VGLL4: variants seen among roughly 807,000 people sequenced by gnomAD.
The protein encoded by VGLL4 is vestigial like family member 4.
A neutral mutation model predicts 21.0 loss-of-function variants in VGLL4; 7 were observed. That is an observed-to-expected ratio of 0.33 (90% confidence interval 0.19 to 0.63). The LOEUF is 0.63. Among genes scored for constraint, VGLL4 ranks in the 20% least tolerant of loss-of-function variants. The pLI is 0.78. For synonymous variants in VGLL4, 222 were observed against 173.2 expected (o/e 1.28, Z -2.21); for missense variants, 394 against 425.7 (o/e 0.93, Z 0.66).
intron 2 of VGLL4, among the ~76,000 whole-genome samples, chr3:11,595,657 T>C (rs1319470920): frequency 2.6e-5 from 4 of 152,032 alleles, no homozygotes; most frequent in Admixed American, 1.3e-4. Context: ...TATGCAGCCA[T>C]AAAAAATGAT....
intron 2 of VGLL4, among the ~76,000 whole-genome samples, chr3:11,666,176 C>T (rs1484326904): frequency 1.3e-5 from 2 of 149,604 alleles, no homozygotes; most frequent in South Asian, 4.2e-4. Context: ...GGCGTGAACC[C>T]GGGAGGCGGA....
chr3:11,614,063 C>A (rs1239402618), intron 1 of VGLL4, among the ~76,000 whole-genome samples: 1 of 152,230 alleles, frequency 6.6e-6, no homozygotes, highest in Admixed American at 6.5e-5. Flanking sequence ...TGTGAACCCA[C>A]ACACAGGCTC....
chr3:11,583,231 T>C (rs1005616736), intron 2 of VGLL4, among the ~76,000 whole-genome samples: 1 of 152,246 alleles, frequency 6.6e-6, no homozygotes, highest in Non-Finnish European at 1.5e-5. Flanking sequence ...GAGTAAACTC[T>C]GATCAACCAG....
intron 2 of VGLL4, among the ~76,000 whole-genome samples, chr3:11,597,054 G>C (rs1464038633): frequency 2.0e-5 from 3 of 152,094 alleles, no homozygotes; most frequent in Non-Finnish European, 4.4e-5. Context: ...AGGAAATAAT[G>C]GAGGTTATGA....
At chr3:11,669,679 T>C (rs2076175872) in intron 2 of VGLL4, among the ~76,000 whole-genome samples, 1 of 152,130 alleles carries the variant, frequency 6.6e-6, no homozygotes, top group South Asian at 2.1e-4. Context: ...AGAATAACTT[T>C]TTTTTTTTTC....
chr3:11,647,006 G>A (rs1373453826), upstream of VGLL4, among the ~76,000 whole-genome samples: 1 of 152,230 alleles, frequency 6.6e-6, no homozygotes, highest in Non-Finnish European at 1.5e-5. Context: ...TTTGAGGGCT[G>A]TAGTTTTCGT....
chr3:11,611,552 A>G (rs2075062792), intron 1 of VGLL4: 1 of 152,300 alleles, frequency 6.6e-6, no homozygotes, highest in Non-Finnish European at 1.5e-5. Context: ...CCAGAGAGGA[A>G]AGAAGAGAGG....
intron 1 of VGLL4, among the ~76,000 whole-genome samples, chr3:11,717,004 T>G (rs891724082): frequency 4.5e-4 from 68 of 152,244 alleles, no homozygotes; most frequent in Middle Eastern, 3.4e-3. Flanking sequence ...CACCAGGTTC[T>G]CATAGCTGCA....
In VGLL4 at chr3:11,559,366, C is replaced by T. The variant is rs560107500; in HGVS notation, c.585G>A (p.Ala195=). The change falls in exon 4 of 5, where the codon GCG becomes GCA. Residue 195 remains alanine (A), a synonymous_variant. Coordinates refer to ENST00000430365, the MANE Select transcript of VGLL4 (RefSeq NM_001128219.3). ...HCPIAHSGCA[A]PGPASYRRPP... is the part of the protein sequence containing the mutation. ...GCCTCCGGTAGCTGGCAGGCCCGGG[C>T]GCGGCACAGCCGCTGTGCGCGATGG... 67 of 1,551,122 alleles carry T rather than the reference C, an allele frequency of 4.3e-5. No individual in the cohort carries two copies. Among genetic ancestry groups the T allele is most frequent in the Non-Finnish European group, 5.2e-5 (60 of 1,147,486 alleles).
intron 1 of VGLL4, among the ~76,000 whole-genome samples, chr3:11,710,929 G>A (rs560650288): frequency 8.6e-5 from 13 of 151,232 alleles, no homozygotes; most frequent in South Asian, 4.2e-4. Context: ...GTGAAACCCC[G>A]TCTCTACTAA....
intron 1 of VGLL4, among the ~76,000 whole-genome samples, chr3:11,714,147 G>GTT (rs2076887702): frequency 6.6e-6 from 1 of 152,132 alleles, no homozygotes; most frequent in East Asian, 1.9e-4. Context: ...ATCTATACAG[G>GTT]CTCTGGGCTG....
intron 1 of VGLL4, among the ~76,000 whole-genome samples, chr3:11,642,008 G>A (rs1467382785): frequency 2.0e-5 from 3 of 150,102 alleles, no homozygotes; most frequent in East Asian, 1.9e-4. Context: ...CTTGTTGGGG[G>A]AAGCGGGGAT....
intron 1 of VGLL4, among the ~76,000 whole-genome samples, chr3:11,625,105 A>G (rs1448130098): frequency 6.6e-6 from 1 of 152,240 alleles, no homozygotes. Context: ...ACCACATGCT[A>G]ACTTCTAAAG....
chr3:11,683,676 C>T (rs915358637), intron 2 of VGLL4, among the ~76,000 whole-genome samples: 6 of 151,974 alleles, frequency 3.9e-5, no homozygotes, highest in Admixed American at 1.3e-4. Flanking sequence ...TGCCTGTAAT[C>T]CCAGCTACTC....
intron 2 of VGLL4, among the ~76,000 whole-genome samples, chr3:11,671,072 A>C (rs1375845403): frequency 6.6e-6 from 1 of 152,208 alleles, no homozygotes; most frequent in Non-Finnish European, 1.5e-5. Flanking sequence ...TGCATTAAGG[A>C]GAGTCGACAG....
In VGLL4 at chr3:11,564,984, G is replaced by T. The variant is rs763894231; in HGVS notation, c.308C>A (p.Pro103His). 1 of 1,527,318 alleles carries T rather than the reference G, an allele frequency of 6.5e-7. No individual in the cohort carries two copies. Among genetic ancestry groups the T allele is most frequent in the Admixed American group, 2.2e-5 (1 of 45,044 alleles). The allele number at this position is 1,527,318 out of a possible 1,614,324, so 94.6% of individuals were successfully genotyped here. A position where few individuals can be genotyped will look rare whatever the true frequency, so the allele number is the denominator to read the frequency against. The change falls in exon 3 of 5, where the codon CCC becomes CAC. Residue 103 changes from proline (P) to histidine (H), a missense_variant. Physicochemically the swap from Pro to His is moderately conservative, Grantham distance 77. Coordinates refer to ENST00000430365, the MANE Select transcript of VGLL4 (RefSeq NM_001128219.3). Reference protein sequence around the residue: ...KTANGDCRRDPRERSRSPIER... With the variant: ...KTANGDCRRDHRERSRSPIER... ...GATGGGGCTGCGGCTCCGCTCCCGG[G>T]GGTCTCTGCGGCAGTCTCCATTGGC...
intron 1 of VGLL4, among the ~76,000 whole-genome samples, chr3:11,618,007 T>C (rs1364762354): frequency 6.6e-6 from 1 of 152,222 alleles, no homozygotes; most frequent in Non-Finnish European, 1.5e-5. Flanking sequence ...CTTCCATTTA[T>C]CCATGATTAA....
chr3:11,564,878 G>A lies in VGLL4; in HGVS notation c.414C>T (p.Pro138=). 1 of 1,609,264 alleles carries A rather than the reference G, an allele frequency of 6.2e-7. No homozygotes were observed. The highest frequency in any genetic ancestry group is 2.2e-5 in the East Asian group (1 of 44,668). The change falls in exon 3 of 5, where the codon CCC becomes CCT. Residue 138 remains proline (P), a synonymous_variant. Transcript: ENST00000430365. ...CCAGGCTGTTCTTGGTCAGTGCGAG[G>A]GGCTGCTCCAGGCCAAGGCTGGGGA... The part of the protein sequence containing the change: ...TSLPSLGLEQ[P]LALTKNSLDA...
chr3:11,652,026 T>C (rs1183739750), intron 2 of VGLL4, among the ~76,000 whole-genome samples: 1 of 152,178 alleles, frequency 6.6e-6, no homozygotes, highest in African/African-American at 2.4e-5. Context: ...GACTGATCAT[T>C]CTCTGTAATA....
Sources: allele counts gnomAD v4.1 joint callset (sites outside exome capture counted in the v4.1 genomes callset), GRCh38; gene constraint gnomAD v4.1.1; transcripts MANE v1.5; gene names NCBI Gene and HGNC (gene_info 2026-07-23, HGNC 2026-07-21).